Variants in PRKN observed in about 807,000 individuals in gnomAD.
PRKN encodes the protein parkin RBR E3 ubiquitin protein ligase, also known as E3 ubiquitin-protein ligase parkin.
A neutral mutation model predicts 59.5 loss-of-function variants in PRKN; 56 were observed. That is an observed-to-expected ratio of 0.94 (90% CI 0.76 to 1.18). The LOEUF (loss-of-function observed/expected upper bound fraction) is 1.18, where lower values mean the gene tolerates loss of function less well. PRKN is among the 50% of genes most tolerant of loss of function. The pLI is 0.00. For missense variants in PRKN, 657 were observed against 596.4 expected, an observed-to-expected ratio of 1.10 and a Z score of -1.06; for synonymous variants, 250 against 222.1, an observed-to-expected ratio of 1.13 and a Z score of -1.12.
chr6:161,639,494 G>GTT (rs1165991580), intron 7 of PRKN, among the ~76,000 whole-genome samples: 2 of 152,200 alleles, frequency 1.3e-5, no homozygotes, highest in Admixed American at 6.5e-5. Flanking sequence ...AAAAAGGAGT[G>GTT]TTTGAAATTT....
rs575695928 is a variant in PRKN, at chr6:162,078,824, GA to G, written c.535-24651del. On this transcript the variant is annotated intron_variant, in intron 4 of 11. Transcript: ENST00000366898. ...ACATCACAACTCGGAGCCATTAAAT[GA>G]AAAGAATAGGGTTACTAAGCAAGAT... 2.5e-3 allele frequency among the ~76,000 whole-genome samples: 373 copies of G among 152,042 alleles called. 1 individual carries two copies. Among genetic ancestry groups the G allele is most frequent in the Non-Finnish European group, 4.1e-3 (281 of 68,012 alleles).
intron 5 of PRKN, among the ~76,000 whole-genome samples, chr6:162,014,483 G>A (rs562674726): frequency 6.6e-6 from 1 of 152,260 alleles, no homozygotes; most frequent in South Asian, 2.1e-4. Context: ...TCCACTTTGA[G>A]CTCTCTTCAC....
chr6:162,347,355 T>C (rs1784445552), intron 2 of PRKN, among the ~76,000 whole-genome samples: 1 of 151,694 alleles, frequency 6.6e-6, no homozygotes, highest in African/African-American at 2.4e-5. Flanking sequence ...TTATTTTGTA[T>C]TTTTCTACAT....
At chr6:162,164,004 T>C (rs1252517503) in intron 4 of PRKN, among the ~76,000 whole-genome samples, 3 of 148,714 alleles carry the variant, frequency 2.0e-5, no homozygotes, top group Admixed American at 2.0e-4. Context: ...AGGGCGGAGA[T>C]GATTTATGTG....
chr6:161,412,374 C>G (rs940503342), intron 9 of PRKN, among the ~76,000 whole-genome samples: 6 of 150,980 alleles, frequency 4.0e-5, no homozygotes, highest in Non-Finnish European at 5.9e-5. Context: ...TCCACTCACT[C>G]ATTCCTCCAC....
intron 1 of PRKN, among the ~76,000 whole-genome samples, chr6:162,474,952 A>T (rs960387775): frequency 1.3e-5 from 2 of 152,224 alleles, no homozygotes; most frequent in African/African-American, 2.4e-5. Flanking sequence ...AAATGTCAAA[A>T]TAAAATTCAA....
intron 7 of PRKN, among the ~76,000 whole-genome samples, chr6:161,591,640 T>A (rs1583269649): frequency 6.6e-6 from 1 of 152,214 alleles, no homozygotes; most frequent in East Asian, 1.9e-4. Context: ...GTTTCAAATA[T>A]CCGAAGGTAA....
At chr6:161,868,692 G>T (rs1794222080) in intron 6 of PRKN, among the ~76,000 whole-genome samples, 2 of 152,158 alleles carry the variant, frequency 1.3e-5, no homozygotes, top group African/African-American at 4.8e-5. Context: ...ATGATTTGTA[G>T]CATATCATCA....
intron 2 of PRKN, among the ~76,000 whole-genome samples, chr6:162,402,055 G>A (rs1787822119): frequency 6.6e-6 from 1 of 152,000 alleles, no homozygotes; most frequent in South Asian, 2.1e-4. Context: ...TTCAAGACCA[G>A]CCTGGCCGAC....
chr6:162,591,882 T>C (rs1322546702), intron 1 of PRKN, among the ~76,000 whole-genome samples: 2 of 149,544 alleles, frequency 1.3e-5, no homozygotes, highest in East Asian at 3.9e-4. Flanking sequence ...TCCTATGTAC[T>C]GAACTGCTAG....
At chr6:161,903,661 C>T (rs546943189) in intron 6 of PRKN, among the ~76,000 whole-genome samples, 1 of 152,028 alleles carries the variant, frequency 6.6e-6, no homozygotes, top group Non-Finnish European at 1.5e-5. Context: ...AAACACAGTG[C>T]TTTGGATTTG....
chr6:161,959,930 A>C lies in PRKN; in HGVS notation c.734+13372T>G, dbSNP rs371666294. Among the ~76,000 whole-genome samples the C allele has an allele frequency of 3.4e-4, 52 of 152,250 alleles. 1 individual carries two copies. In the East Asian group the frequency reaches 4.1e-3, roughly 12 times the overall value. On this transcript the variant is annotated intron_variant, in intron 6 of 11. Coordinates refer to ENST00000366898, the MANE Select transcript of PRKN (RefSeq NM_004562.3). The stretch of plus-strand genomic sequence containing the variant: ...GAAATCGGTGGTGGGTTCAGGAGGG[A>C]AAGCTGTTCTTATGACCTCCATCCT...
chr6:161,827,332 G>A (rs1792287390), intron 6 of PRKN, among the ~76,000 whole-genome samples: 1 of 152,106 alleles, frequency 6.6e-6, no homozygotes, highest in African/African-American at 2.4e-5. Context: ...GAGTTTTACT[G>A]CAATTACCAG....
At chr6:161,859,019 A>C (rs1793777711) in intron 6 of PRKN, among the ~76,000 whole-genome samples, 1 of 151,096 alleles carries the variant, frequency 6.6e-6, no homozygotes, top group African/African-American at 2.4e-5. Flanking sequence ...ACAGGTGCCC[A>C]CCAACATACC....
rs1300606900 is a variant in PRKN, at chr6:161,400,313, T to TC, written c.1084-13437_1084-13436insG. On this transcript the variant is annotated intron_variant, in intron 9 of 11. Coordinates refer to ENST00000366898, the MANE Select transcript of PRKN (RefSeq NM_004562.3). This position sits in a 1 kb window ranked among gnomAD's most constrained non-coding sequence, Gnocchi z 4.2. ...AGATTAGAAAATTAAACCTAATCTT[T>TC]TTTTTTTTTTTGAGATGGAATTTCA... 5.9e-5 allele frequency among the ~76,000 whole-genome samples: 9 copies of TC among 151,530 alleles called. No homozygotes were observed. The East Asian group carries it at 1.7e-3, about 29-fold the overall frequency.
At chr6:162,395,724 A>T (rs544976231) in intron 2 of PRKN, among the ~76,000 whole-genome samples, 1 of 152,254 alleles carries the variant, frequency 6.6e-6, no homozygotes, top group Non-Finnish European at 1.5e-5. Flanking sequence ...CTTACTCCAG[A>T]TGCCCACTGT....
intron 6 of PRKN, among the ~76,000 whole-genome samples, chr6:161,875,703 C>T (rs117230217): frequency 0.019 from 2,863 of 152,176 alleles, 34 homozygotes; most frequent in Non-Finnish European, 0.03. Context: ...TAGTATTTCA[C>T]GTGGGACCCC....
intron 1 of PRKN, among the ~76,000 whole-genome samples, chr6:162,596,360 T>C (rs929468773): frequency 2.0e-5 from 3 of 152,214 alleles, no homozygotes; most frequent in Non-Finnish European, 4.4e-5. Flanking sequence ...TATTTCTTTA[T>C]TATTTTCTCG....
At chr6:161,523,290 A>G (rs933531750) in intron 9 of PRKN, among the ~76,000 whole-genome samples, 2 of 152,204 alleles carry the variant, frequency 1.3e-5, no homozygotes, top group African/African-American at 4.8e-5. Flanking sequence ...CGTTTTGGCA[A>G]TATCTACTGA....
Sources: gnomAD v4.1 joint callset for allele counts (sites outside exome capture counted in the v4.1 genomes callset) on GRCh38, gnomAD v4.1.1 for gene constraint, Gnocchi (gnomAD v3.1) non-coding constraint, MANE v1.5 for transcripts, NCBI Gene and HGNC (gene_info 2026-07-23, HGNC 2026-07-21) for gene names.